Variants in TSHZ2 observed in about 807,000 individuals in gnomAD.
TSHZ2 encodes the protein teashirt homolog 2.
TSHZ2 carries 21 observed loss-of-function variants against 74.4 expected under a neutral mutation model. That is an observed-to-expected ratio of 0.28 (90% confidence interval 0.20 to 0.41). The LOEUF (loss-of-function observed/expected upper bound fraction) is 0.41, where lower values mean the gene tolerates loss of function less well. Ranked by LOEUF, TSHZ2 falls within the 10% of genes least tolerant of loss-of-function variation. The probability of loss-of-function intolerance (pLI) is 1.00; values close to 1 mark genes in which losing one functional copy is unlikely to be tolerated. For synonymous variants in TSHZ2, 540 were observed against 515.3 expected (o/e 1.05, Z -0.65); for missense variants, 1,244 against 1,293.5 (o/e 0.96, Z 0.59).
intron 2 of TSHZ2, among the ~76,000 whole-genome samples, chr20:53,301,711 G>A (rs955378810): frequency 6.6e-6 from 1 of 152,094 alleles, no homozygotes; most frequent in South Asian, 2.1e-4. Flanking sequence ...TTGTTACTTG[G>A]TTGCTTGGCA....
At chr20:53,033,572 C>G (rs1600656932) in intron 1 of TSHZ2, among the ~76,000 whole-genome samples, 1 of 149,614 alleles carries the variant, frequency 6.7e-6, no homozygotes, top group Middle Eastern at 3.6e-3. Flanking sequence ...CAGTGGCTGG[C>G]ACATAGAAGG....
chr20:53,267,941 G>A (rs952319431), intron 2 of TSHZ2, among the ~76,000 whole-genome samples: 3 of 152,188 alleles, frequency 2.0e-5, no homozygotes, highest in Admixed American at 2.0e-4. Flanking sequence ...AGGTCACGCA[G>A]CTGGTGAGGG....
At chr20:53,381,821 C>T (rs567234539) in intron 2 of TSHZ2, among the ~76,000 whole-genome samples, 1 of 152,272 alleles carries the variant, frequency 6.6e-6, no homozygotes, top group African/African-American at 2.4e-5. Flanking sequence ...GTAGGGACTG[C>T]TCTTCCTACA....
chr20:53,461,241 T>C (rs1255421235), intron 2 of TSHZ2, among the ~76,000 whole-genome samples: 1 of 152,248 alleles, frequency 6.6e-6, no homozygotes, highest in Admixed American at 6.5e-5. Context: ...TATAATCTCC[T>C]GGTGCGCCGT....
chr20:53,103,995 A>G lies in TSHZ2; in HGVS notation c.40+130662A>G, dbSNP rs1051545877. 1.2e-4 allele frequency among the ~76,000 whole-genome samples: 18 copies of G among 152,192 alleles called. 1 individual carries two copies. The highest frequency in any genetic ancestry group is 2.6e-4 in the Non-Finnish European group (18 of 68,040). On this transcript the variant is annotated intron_variant, in intron 1 of 2. Transcript: ENST00000371497. ...ACTTTTAATGACTTCAGTGATAATAAGAGAGATCATGACTTAGACCCGCTT... is the reference window on the plus strand; with the variant it reads ...ACTTTTAATGACTTCAGTGATAATAGGAGAGATCATGACTTAGACCCGCTT...
At chr20:53,250,927 G>A (rs930129546) in intron 1 of TSHZ2, among the ~76,000 whole-genome samples, 2 of 151,680 alleles carry the variant, frequency 1.3e-5, no homozygotes, top group African/African-American at 4.8e-5. Flanking sequence ...GTGTGTGTGT[G>A]TGTATGCACA....
intron 1 of TSHZ2, among the ~76,000 whole-genome samples, chr20:53,089,587 C>G (rs886825718): frequency 2.0e-5 from 3 of 152,112 alleles, no homozygotes; most frequent in African/African-American, 7.2e-5. Flanking sequence ...ATCACAGCCC[C>G]TTTGGAGGGA....
At chr20:53,430,553 T>C (rs1983806686) in intron 2 of TSHZ2, among the ~76,000 whole-genome samples, 1 of 151,864 alleles carries the variant, frequency 6.6e-6, no homozygotes, top group South Asian at 2.1e-4. Flanking sequence ...TTATGGGCCA[T>C]ATGCAGTGGC....
intron 1 of TSHZ2, among the ~76,000 whole-genome samples, chr20:53,223,797 G>C (rs975434342): frequency 1.3e-5 from 2 of 152,070 alleles, no homozygotes; most frequent in African/African-American, 4.8e-5. Flanking sequence ...TGGCCATAAA[G>C]AGTAGTACAA....
intron 1 of TSHZ2, among the ~76,000 whole-genome samples, chr20:53,098,360 A>G (rs188512652): frequency 2.0e-5 from 3 of 152,344 alleles, no homozygotes. Context: ...AGCACAAAGG[A>G]AACAGTCAAA....
chr20:53,433,625 A>ACACACACACACACACAC (rs1555864637), intron 2 of TSHZ2, among the ~76,000 whole-genome samples: 1 of 151,190 alleles, frequency 6.6e-6, no homozygotes, highest in Admixed American at 6.6e-5. Flanking sequence ...ACACACACAG[A>ACACACACACACACACAC]ATTTTATTGG....
Position 53,255,632 on chromosome 20 carries a change from C to T in TSHZ2, c.2174C>T (p.Thr725Ile), listed in dbSNP as rs755205926. The change falls in exon 2 of 3, where the codon ACA (threonine) becomes ATA (isoleucine). Residue 725 changes from threonine (T) to isoleucine (I), a missense_variant. Coordinates refer to ENST00000371497, the MANE Select transcript of TSHZ2 (RefSeq NM_173485.6). The surrounding 1 kb of genome is among the most constrained non-coding windows in gnomAD (Gnocchi z 4.1). ...SPSCSSPSSS[T>I]ISMFHKSNLN... ...TCCTGCTCCAGCCCAAGTTCAAGCA[C>T]AATTTCCATGTTCCACAAGTCGAAT... 5.1e-6 allele frequency: 8 copies of T among 1,576,616 alleles called. No individual in the cohort carries two copies. In the Middle Eastern group the frequency reaches 6.8e-4, roughly 135 times the overall value.
At chr20:53,162,955 C>G (rs1987977244) in intron 1 of TSHZ2, among the ~76,000 whole-genome samples, 1 of 152,066 alleles carries the variant, frequency 6.6e-6, no homozygotes, top group Non-Finnish European at 1.5e-5. Flanking sequence ...TTGAGTGTTT[C>G]CATCATAATA....
rs769563714 is a variant in TSHZ2 at position 53,255,469 on chromosome 20, G to C, written c.2011G>C (p.Glu671Gln). The C allele has an allele frequency of 6.2e-7, 1 of 1,608,824 alleles. No homozygotes were observed. Among genetic ancestry groups the C allele is most frequent in the African/African-American group, 1.3e-5 (1 of 74,778 alleles). Residue 671 changes from glutamate (E) to glutamine (Q), a missense_variant, in exon 2 of 3, where the codon GAG (glutamate) becomes CAG (glutamine). This residue lies in a region of TSHZ2 where 562 missense variants were observed against 544.0 expected (regional missense o/e 1.03). Transcript: ENST00000371497. The surrounding 1 kb of genome is among the most constrained non-coding windows in gnomAD (Gnocchi z 4.1). ...CGAGAAGGAGAAACCCCAGCCCCTGGAGCCCACATCTGCTCTGAGCAATGG... is the reference window on the plus strand; with the variant it reads ...CGAGAAGGAGAAACCCCAGCCCCTGCAGCCCACATCTGCTCTGAGCAATGG... ...GSEKEKPQPL[E>Q]PTSALSNGCA...
At chr20:53,170,933 A>G (rs1267229697) in intron 1 of TSHZ2, among the ~76,000 whole-genome samples, 2 of 147,728 alleles carry the variant, frequency 1.4e-5, no homozygotes, top group African/African-American at 5.1e-5. Context: ...GACAATAAAA[A>G]ATGAAAAGAA....
chr20:53,046,760 G>A (rs914129536), intron 1 of TSHZ2, among the ~76,000 whole-genome samples: 2 of 152,162 alleles, frequency 1.3e-5, no homozygotes, highest in South Asian at 2.1e-4. Flanking sequence ...AAACAAGTCT[G>A]TGCCCCCTCA....
At chr20:53,335,258 G>T (rs1979899457) in intron 2 of TSHZ2, among the ~76,000 whole-genome samples, 1 of 152,172 alleles carries the variant, frequency 6.6e-6, no homozygotes, top group Non-Finnish European at 1.5e-5. Context: ...GCCTTGAGTT[G>T]GTTCTGATGC....
intron 2 of TSHZ2, among the ~76,000 whole-genome samples, chr20:53,277,891 T>C (rs67001731): frequency 1.3e-5 from 2 of 152,186 alleles, no homozygotes; most frequent in African/African-American, 4.8e-5. Context: ...TTTGATGTCA[T>C]TGTTGCTTGG....
At chr20:53,346,117 T>A (rs1980428740) in intron 2 of TSHZ2, among the ~76,000 whole-genome samples, 1 of 152,222 alleles carries the variant, frequency 6.6e-6, no homozygotes, top group Non-Finnish European at 1.5e-5. Context: ...CTTCCCTGTT[T>A]CGGATGCCTA....
Sources: allele counts gnomAD v4.1 joint callset (sites outside exome capture counted in the v4.1 genomes callset), GRCh38; gene constraint gnomAD v4.1.1; regional missense constraint gnomAD v4.1.1; non-coding constraint Gnocchi (gnomAD v3.1); transcripts MANE v1.5; gene names NCBI Gene and HGNC (gene_info 2026-07-23, HGNC 2026-07-21).